The following PCNT variants were observed in gnomAD, a reference collection of about 807,000 sequenced individuals.
PCNT encodes the protein pericentrin.
In PCNT, 319 loss-of-function variants were observed where a neutral mutation model predicts 380.4. That is an observed-to-expected ratio of 0.84 (90% confidence interval 0.77 to 0.92). The LOEUF (loss-of-function observed/expected upper bound fraction) is 0.92. Ranked by LOEUF, PCNT falls within the 40% of genes least tolerant of loss-of-function variation. The pLI is 0.00. For missense variants in PCNT, 4,400 were observed against 4,255.3 expected (o/e 1.03, Z -0.95); for synonymous variants, 1,845 against 1,735.2 (o/e 1.06, Z -1.57).
intron 15 of PCNT, among the ~76,000 whole-genome samples, chr21:46,377,257 A>G (rs1427077413): frequency 6.6e-6 from 1 of 152,148 alleles, no homozygotes; most frequent in Non-Finnish European, 1.5e-5. Context: ...CTGGGCAGGG[A>G]GCGGGAGCCG....
chr21:46,440,008 GC>G (rs1322547197), intron 41 of PCNT, 74 bp from the exon 42 acceptor site: 11 of 1,589,650 alleles, frequency 6.9e-6, no homozygotes, highest in East Asian at 2.3e-5. Flanking sequence ...TCCCTCACCT[GC>G]CCCCGGCTGC....
chr21:46,436,950 C>G, intron 39 of PCNT, 29 bp from the exon 40 acceptor site: 1 of 1,520,140 alleles, frequency 6.6e-7, no homozygotes, highest in South Asian at 1.1e-5. Flanking sequence ...GGCGCGTATG[C>G]AACTTTGAGT....
intron 15 of PCNT, among the ~76,000 whole-genome samples, chr21:46,378,852 T>C (rs936920174): frequency 2.0e-5 from 3 of 152,250 alleles, no homozygotes; most frequent in Non-Finnish European, 4.4e-5. Flanking sequence ...TGTGCTCATA[T>C]TGTCGTACCA....
At chr21:46,352,963 G>T in intron 9 of PCNT, 141 bp from the exon 10 acceptor site, 1 of 725,696 alleles carries the variant, frequency 1.4e-6, no homozygotes, top group African/African-American at 1.7e-5. Flanking sequence ...AAGCCGTAGG[G>T]GTCCCTCATC....
chr21:46,383,309 GTGT>G (rs1293113544), intron 16 of PCNT, among the ~76,000 whole-genome samples: 9 of 142,178 alleles, frequency 6.3e-5, no homozygotes, highest in Admixed American at 2.9e-4. Flanking sequence ...CGCATTCACG[GTGT>G]TGTGCGTTCA....
At position 46,428,609 on chromosome 21, in the gene PCNT, A is replaced by T; in HGVS notation, c.7690+19A>T. 6.3e-7 allele frequency: 1 copy of T among 1,580,164 alleles called. No individual in the cohort carries two copies. The highest frequency in any genetic ancestry group is 8.5e-7 in the Non-Finnish European group (1 of 1,169,988). On this transcript the variant is annotated intron_variant, in intron 35 of 46. Transcript: ENST00000359568. ...AGGCAGGGTGGGTGTCACTGTCTAC[A>T]CTGCCTGGGGCCCGGCCTCTGCACC... is the stretch of plus-strand genomic sequence containing the variant.
chr21:46,389,384 C>G lies in PCNT; in HGVS notation c.3793C>G (p.Leu1265Val). The change falls in exon 19 of 47, where the codon CTG becomes GTG. Residue 1265 changes from leucine to valine, a missense_variant. By Grantham distance (32) the Leu-to-Val change is conservative. Transcript: ENST00000359568. Reference sequence around the variant, plus strand: ...CCGGAGGGTCTTCCAGAGCCTCAGCCTGGCCGTGGACGGCCTCATGGAGAT... The same window carrying G: ...CCGGAGGGTCTTCCAGAGCCTCAGCGTGGCCGTGGACGGCCTCATGGAGAT... ...PIRRVFQSLS[L>V]AVDGLMEMAL... 6.2e-7 allele frequency: 1 copy of G among 1,614,200 alleles called. No individual in the cohort carries two copies. Among genetic ancestry groups the G allele is most frequent in the Non-Finnish European group, 8.5e-7 (1 of 1,180,012 alleles).
chr21:46,340,286 A>T (rs1392055048), intron 3 of PCNT, among the ~76,000 whole-genome samples: 1 of 152,188 alleles, frequency 6.6e-6, no homozygotes, highest in Non-Finnish European at 1.5e-5. Flanking sequence ...CCCTCCCATG[A>T]CACGTGGGAA....
chr21:46,370,415 G>A (rs2085077164), intron 15 of PCNT, among the ~76,000 whole-genome samples: 1 of 151,708 alleles, frequency 6.6e-6, no homozygotes, highest in Non-Finnish European at 1.5e-5. Context: ...GGAGGCTGGG[G>A]CTCATCCTGG....
chr21:46,430,217 A>T lies in PCNT; in HGVS notation c.7898A>T (p.Glu2633Val). Residue 2633 changes from glutamate (E) to valine (V), a missense_variant, in exon 36 of 47, where the codon GAG (glutamate) becomes GTG (valine). Glu to Val is a moderately radical substitution (Grantham distance 121). Transcript: ENST00000359568. Reference protein sequence around the residue: ...LSRSLCEVQQEVLQLRSMLSS... With the variant: ...LSRSLCEVQQVVLQLRSMLSS... ...CGGTCCCTCTGCGAGGTGCAGCAGG[A>T]GGTCCTCCAGCTGAGGTGCGCCTGA... is the stretch of plus-strand genomic sequence containing the variant. 6.2e-7 allele frequency: 1 copy of T among 1,613,390 alleles called. No individual in the cohort carries two copies.
At chr21:46,324,828 C>T (rs915783555) in intron 1 of PCNT, 53 of 964,844 alleles carry the variant, frequency 5.5e-5, no homozygotes, top group African/African-American at 4.7e-4. Context: ...CCTGCAGCGC[C>T]TCCCCAGGGT....
At position 46,425,608 on chromosome 21, in the gene PCNT, C is replaced by G. The variant is rs974887319; in HGVS notation, c.7180-223C>G. 1.3e-5 allele frequency among the ~76,000 whole-genome samples: 2 copies of G among 152,214 alleles called. No homozygotes were observed. The highest frequency in any genetic ancestry group is 4.8e-5 in the African/African-American group (2 of 41,458). On this transcript the variant is annotated intron_variant, in intron 32 of 46. Transcript: ENST00000359568. This position sits in a 1 kb window ranked among gnomAD's most constrained non-coding sequence, Gnocchi z 4.2. ...GGCTTATAGAGAAATTCACTCCAAG[C>G]CTGGCTTCCGTGTTGTCTCTCTGAA...
Position 46,391,150 on chromosome 21 carries a change from T to TG in PCNT, c.4004-13dup, listed in dbSNP as rs756488881. On this transcript the variant is annotated splice_polypyrimidine_tract_variant and intron_variant, in intron 20 of 46. Coordinates refer to ENST00000359568, the MANE Select transcript of PCNT (RefSeq NM_006031.6). ...AGGACTGGCTTTGTCAGAGCATCTG[T>TG]GTCTCCCACAAAGGTACCCTTGAGG... 3 of 1,568,428 alleles carry TG rather than the reference T, an allele frequency of 1.9e-6. No individual in the cohort carries two copies. Among genetic ancestry groups the TG allele is most frequent in the Non-Finnish European group, 2.6e-6 (3 of 1,155,546 alleles).
chr21:46,419,779 C>T (rs2087170879), intron 31 of PCNT, among the ~76,000 whole-genome samples: 1 of 152,164 alleles, frequency 6.6e-6, no homozygotes, highest in South Asian at 2.1e-4. Flanking sequence ...CTTGCTCTCT[C>T]ACGCAGGCTG....
intron 31 of PCNT, among the ~76,000 whole-genome samples, chr21:46,420,160 C>T (rs1229330531): frequency 2.0e-5 from 3 of 152,148 alleles, no homozygotes; most frequent in Non-Finnish European, 2.9e-5. Flanking sequence ...TCCAGTGACA[C>T]GCGACCTTGG....
At chr21:46,399,306 T>TGCAGCCTGTGGGTCTAGGTCTCTG (rs1569252798) in intron 24 of PCNT, among the ~76,000 whole-genome samples, 10 of 55,070 alleles carry the variant, frequency 1.8e-4, no homozygotes, top group East Asian at 4.3e-4. Context: ...CTGGGTCTCT[T>TGCAGCCTGTGGGTCTAGGTCTCTG]TTCAGCCTGT....
At chr21:46,405,738 A>G (rs1256655370) in intron 27 of PCNT, among the ~76,000 whole-genome samples, 1 of 152,230 alleles carries the variant, frequency 6.6e-6, no homozygotes, top group Non-Finnish European at 1.5e-5. Context: ...TACTTTTCAG[A>G]AGAAGTTGTA....
rs182360948 is a variant in PCNT, at chr21:46,409,799, G to A, written c.5116-1390G>A. Among the ~76,000 whole-genome samples, 25 of 151,810 alleles carry A rather than the reference G, an allele frequency of 1.6e-4. No individual in the cohort carries two copies. In the East Asian group the frequency reaches 4.5e-3, roughly 27 times the overall value. On this transcript the variant is annotated intron_variant, in intron 27 of 46. Transcript: ENST00000359568. ...ACTAGAGACCAGGGTGCACCGTGTC[G>A]GCCAGGCTGATCTTGAACTCCTGTG...
rs763099551 is a variant in PCNT at position 46,444,832 on chromosome 21, T to C, written c.9967+11T>C. On this transcript the variant is annotated intron_variant, in intron 46 of 46. Transcript: ENST00000359568. ...GAGGGGTACTACCAGGTAATGCAAG[T>C]CCTCGCCGAGTATTTATTAAGCTGA... 3 of 1,612,394 alleles carry C rather than the reference T, an allele frequency of 1.9e-6. No homozygotes were observed. The African/African-American group carries it at 4.0e-5, about 22-fold the overall frequency.
Sources: gnomAD v4.1 joint callset for allele counts (sites outside exome capture counted in the v4.1 genomes callset) on GRCh38, gnomAD v4.1.1 for gene constraint, Gnocchi (gnomAD v3.1) non-coding constraint, MANE v1.5 for transcripts, NCBI Gene and HGNC (gene_info 2026-07-23, HGNC 2026-07-21) for gene names.